Variants in CALN1 observed in about 807,000 individuals in gnomAD.
CALN1 encodes the protein calneuron 1, also known as calcium-binding protein 8.
CALN1 carries 17 observed loss-of-function variants against 30.6 expected under a neutral mutation model. The ratio of observed to expected loss-of-function variants is 0.56; its 90% CI spans 0.38 to 0.83. The LOEUF is 0.83. Among genes scored for constraint, CALN1 ranks in the 40% least tolerant of loss-of-function variants. The probability of loss-of-function intolerance (pLI) is 0.00; values close to 1 mark genes in which losing one functional copy is unlikely to be tolerated. For synonymous variants in CALN1, 156 were observed against 131.4 expected, an observed-to-expected ratio of 1.19 and a Z score of -1.28; for missense variants, 291 against 354.9, an observed-to-expected ratio of 0.82 and a Z score of 1.45.
chr7:72,145,930 G>A (rs1270847071), intron 3 of CALN1, among the ~76,000 whole-genome samples: 1 of 152,192 alleles, frequency 6.6e-6, no homozygotes, highest in African/African-American at 2.4e-5. Context: ...AGCCCTTCGT[G>A]CTAAAAACTC....
chr7:72,027,726 AACACACACACAC>A (rs111705413), intron 4 of CALN1, among the ~76,000 whole-genome samples: 25 of 143,216 alleles, frequency 1.7e-4, no homozygotes, highest in African/African-American at 1.3e-4. Context: ...CAAACAAACA[AACACACACACAC>A]ACACACACAC....
intron 2 of CALN1, among the ~76,000 whole-genome samples, chr7:72,366,058 CATA>C (rs1803860199): frequency 6.6e-6 from 1 of 152,032 alleles, no homozygotes; most frequent in Non-Finnish European, 1.5e-5. Context: ...AAGCATTGCT[CATA>C]TTATGAAAAA....
intron 2 of CALN1, among the ~76,000 whole-genome samples, chr7:72,380,667 GTGGATGGATGGA>G (rs142371252): frequency 6.6e-6 from 1 of 151,794 alleles, no homozygotes; most frequent in African/African-American, 2.4e-5. Context: ...CAGTGGGTTG[GTGGATGGATGGA>G]TGGATGGATG....
chr7:72,405,988 T>TGC (rs1806669478), intron 1 of CALN1, among the ~76,000 whole-genome samples: 1 of 152,198 alleles, frequency 6.6e-6, no homozygotes, highest in Non-Finnish European at 1.5e-5. Context: ...ACCTGGAACC[T>TGC]GCCCACAGCT....
At chr7:72,283,394 G>A (rs1302081158) in intron 2 of CALN1, among the ~76,000 whole-genome samples, 1 of 152,016 alleles carries the variant, frequency 6.6e-6, no homozygotes, top group Non-Finnish European at 1.5e-5. Flanking sequence ...ATTTAGCTGG[G>A]CATGGTGGCA....
intron 5 of CALN1, among the ~76,000 whole-genome samples, chr7:71,820,662 T>C (rs1420216752): frequency 4.6e-5 from 7 of 152,244 alleles, no homozygotes; most frequent in Admixed American, 4.6e-4. Context: ...TGCTGAATCA[T>C]ACGGTAATTC....
At chr7:71,935,216 A>C (rs1416173677) in intron 5 of CALN1, among the ~76,000 whole-genome samples, 3 of 152,170 alleles carry the variant, frequency 2.0e-5, no homozygotes, top group Non-Finnish European at 4.4e-5. Context: ...CTGAAGACGA[A>C]CTAGACAGAA....
At chr7:72,053,098 C>T (rs1319031420) in intron 4 of CALN1, among the ~76,000 whole-genome samples, 2 of 152,126 alleles carry the variant, frequency 1.3e-5, no homozygotes, top group African/African-American at 4.8e-5. Context: ...GACGTGGTGA[C>T]GGGAGCCTGT....
chr7:72,291,770 G>A (rs576374210), intron 2 of CALN1, among the ~76,000 whole-genome samples: 1 of 152,242 alleles, frequency 6.6e-6, no homozygotes, highest in South Asian at 2.1e-4. Context: ...GTACCACAAT[G>A]CCCGGCTAAT....
intron 4 of CALN1, among the ~76,000 whole-genome samples, chr7:72,104,660 A>G (rs960693651): frequency 6.6e-6 from 1 of 152,198 alleles, no homozygotes; most frequent in African/African-American, 2.4e-5. Flanking sequence ...TTGGAACCCA[A>G]AATAATACAC....
rs538596160 is a variant in CALN1, at chr7:72,436,175, G to A, written c.-226+10867C>T. Among the ~76,000 whole-genome samples, 4 of 152,288 alleles carry A rather than the reference G, an allele frequency of 2.6e-5. No individual in the cohort carries two copies. In the South Asian group the frequency reaches 6.2e-4, roughly 24 times the overall value. ...CCTGCTACACTGCTGATATGGTTTG[G>A]CTGTGTCCCCACCCAAGTCTCATCT... On this transcript the variant is annotated intron_variant, in intron 1 of 6. Coordinates refer to the CALN1 transcript ENST00000395276.
At chr7:72,178,584 G>A (rs1244741423) in intron 3 of CALN1, among the ~76,000 whole-genome samples, 1 of 151,930 alleles carries the variant, frequency 6.6e-6, no homozygotes, top group Non-Finnish European at 1.5e-5. Context: ...AGCTACTCAG[G>A]AGACTGAGGC....
At chr7:71,797,902 T>A (rs1450057577) in intron 6 of CALN1, among the ~76,000 whole-genome samples, 1 of 152,122 alleles carries the variant, frequency 6.6e-6, no homozygotes. Context: ...GGCACCTGAG[T>A]TAATCAGGTT....
intron 4 of CALN1, among the ~76,000 whole-genome samples, chr7:72,088,657 C>G (rs1344392898): frequency 3.4e-5 from 5 of 146,184 alleles, no homozygotes; most frequent in Non-Finnish European, 5.9e-5. Flanking sequence ...CAAGATCATA[C>G]CACTGCACTC....
At chr7:71,811,555 A>G (rs1787957962) in intron 5 of CALN1, among the ~76,000 whole-genome samples, 1 of 152,028 alleles carries the variant, frequency 6.6e-6, no homozygotes, top group South Asian at 2.1e-4. Context: ...AGTCATGTTC[A>G]TGAAGAAAAG....
At chr7:72,097,465 G>C (rs1438755033) in intron 4 of CALN1, among the ~76,000 whole-genome samples, 1 of 152,142 alleles carries the variant, frequency 6.6e-6, no homozygotes, top group Non-Finnish European at 1.5e-5. Context: ...ACAGGGTGTA[G>C]CACAGCCCAC....
intron 2 of CALN1, among the ~76,000 whole-genome samples, chr7:72,374,730 A>G (rs1166788574): frequency 6.6e-6 from 1 of 152,162 alleles, no homozygotes; most frequent in East Asian, 1.9e-4. Flanking sequence ...TATATCCAAA[A>G]TTGTTCTGGA....
chr7:72,218,466 A>C (rs1793016477), intron 3 of CALN1, among the ~76,000 whole-genome samples: 1 of 152,006 alleles, frequency 6.6e-6, no homozygotes, highest in South Asian at 2.1e-4. Context: ...AAATAAAATA[A>C]AATAACTGTG....
intron 6 of CALN1, among the ~76,000 whole-genome samples, chr7:71,789,460 CTG>C (rs1793187886): frequency 6.6e-6 from 1 of 152,054 alleles, no homozygotes; most frequent in South Asian, 2.1e-4. Flanking sequence ...CCCAGATTTG[CTG>C]CATCAGAGGC....
Sources: gnomAD v4.1 joint callset for allele counts (sites outside exome capture counted in the v4.1 genomes callset) on GRCh38, gnomAD v4.1.1 for gene constraint, MANE v1.5 for transcripts, NCBI Gene and HGNC (gene_info 2026-07-23, HGNC 2026-07-21) for gene names.